Variants in RBFOX1 observed in about 807,000 individuals in gnomAD.
The protein encoded by RBFOX1 is RNA binding protein fox-1 homolog 1.
Under a neutral mutation model 57.7 loss-of-function variants are expected in RBFOX1, and 8 were observed. The observed-to-expected ratio is 0.14, with a 90% CI of 0.08 to 0.25. RBFOX1 has a LOEUF of 0.25. Among genes scored for constraint, RBFOX1 ranks in the 10% least tolerant of loss-of-function variants. The probability of loss-of-function intolerance (pLI) is 1.00; values close to 1 mark genes in which losing one functional copy is unlikely to be tolerated. For synonymous variants in RBFOX1, 326 were observed against 222.4 expected (o/e 1.47, Z -4.15); for missense variants, 611 against 548.5 (o/e 1.11, Z -1.14).
chr16:6,095,182 T>C (rs746779974), intron 1 of RBFOX1, among the ~76,000 whole-genome samples: 23 of 152,134 alleles, frequency 1.5e-4, no homozygotes, highest in Non-Finnish European at 2.6e-4. Flanking sequence ...TTAACAGAAA[T>C]TGGTGTTAAT....
chr16:6,871,502 C>G (rs1285684776), intron 3 of RBFOX1, among the ~76,000 whole-genome samples: 3 of 152,102 alleles, frequency 2.0e-5, no homozygotes, highest in Non-Finnish European at 2.9e-5. Flanking sequence ...TCACTCTTGA[C>G]TCTTTCCTCT....
intron 14 of RBFOX1, among the ~76,000 whole-genome samples, chr16:7,694,606 C>T (rs1280791911): frequency 1.3e-5 from 2 of 152,214 alleles, no homozygotes; most frequent in African/African-American, 4.8e-5. Flanking sequence ...CAATTTCCCT[C>T]TTAACCCCTA....
chr16:7,134,540 A>G (rs1385138284), intron 4 of RBFOX1, among the ~76,000 whole-genome samples: 1 of 152,090 alleles, frequency 6.6e-6, no homozygotes, highest in Non-Finnish European at 1.5e-5. Flanking sequence ...TTTTAATTTC[A>G]TTCACAGTTT....
At chr16:6,056,382 T>G (rs2095614816) in intron 1 of RBFOX1, among the ~76,000 whole-genome samples, 1 of 152,216 alleles carries the variant, frequency 6.6e-6, no homozygotes, top group South Asian at 2.1e-4. Context: ...CCTGTTTTCC[T>G]TTCTCTTTTC....
intron 2 of RBFOX1, among the ~76,000 whole-genome samples, chr16:6,537,857 A>T (rs2096756838): frequency 6.6e-6 from 1 of 152,076 alleles, no homozygotes; most frequent in Non-Finnish European, 1.5e-5. Context: ...ATAGAAAAAT[A>T]TATTTAAATT....
At chr16:7,575,135 A>G (rs1231760503) in intron 5 of RBFOX1, among the ~76,000 whole-genome samples, 2 of 151,954 alleles carry the variant, frequency 1.3e-5, no homozygotes, top group African/African-American at 4.8e-5. Context: ...GGGCTCAACA[A>G]TTAATTATCC....
chr16:5,315,634 A>G (rs1267260186), intron 1 of RBFOX1, among the ~76,000 whole-genome samples: 1 of 152,204 alleles, frequency 6.6e-6, no homozygotes, highest in Non-Finnish European at 1.5e-5. Context: ...TTTGTCACGT[A>G]CAGAAAGTGC....
intron 11 of RBFOX1, among the ~76,000 whole-genome samples, chr16:7,636,439 C>A (rs938126277): frequency 1.3e-5 from 2 of 152,196 alleles, no homozygotes; most frequent in African/African-American, 4.8e-5. Flanking sequence ...TCAGTTCACA[C>A]GTGAGTGACA....
At chr16:5,571,144 G>C (rs1196533833) in intron 2 of RBFOX1, among the ~76,000 whole-genome samples, 1 of 147,618 alleles carries the variant, frequency 6.8e-6, no homozygotes, top group Non-Finnish European at 1.5e-5. Context: ...TCTACAGTCA[G>C]AGTCATGAGA....
intron 4 of RBFOX1, among the ~76,000 whole-genome samples, chr16:7,224,993 G>A: frequency 6.6e-6 from 1 of 152,192 alleles, no homozygotes; most frequent in East Asian, 1.9e-4. Context: ...TATGTGTCAA[G>A]CACTATGCTA....
At chr16:6,846,258 G>T (rs116776946) in intron 3 of RBFOX1, among the ~76,000 whole-genome samples, 2 of 152,244 alleles carry the variant, frequency 1.3e-5, no homozygotes, top group East Asian at 3.9e-4. Flanking sequence ...CTCCTATTAC[G>T]TGAATTGGCC....
chr16:6,512,934 C>T (rs906128940), intron 2 of RBFOX1, among the ~76,000 whole-genome samples: 2 of 152,150 alleles, frequency 1.3e-5, no homozygotes, highest in East Asian at 3.9e-4. Context: ...CTATCTTTTG[C>T]TGTTACACAT....
intron 1 of RBFOX1, among the ~76,000 whole-genome samples, chr16:6,172,871 A>G (rs1009629489): frequency 1.3e-5 from 2 of 152,196 alleles, no homozygotes; most frequent in African/African-American, 4.8e-5. Flanking sequence ...AGAACTCGAC[A>G]CTAGTCTCAC....
chr16:6,874,934 G>A lies in RBFOX1; in HGVS notation c.-15-177123G>A, dbSNP rs556872061. Among the ~76,000 whole-genome samples, 21 of 152,274 alleles carry A rather than the reference G, an allele frequency of 1.4e-4. No homozygotes were observed. The East Asian group carries it at 4.1e-3, about 29-fold the overall frequency. On this transcript the variant is annotated intron_variant, in intron 3 of 15. Coordinates refer to ENST00000550418, the MANE Select transcript of RBFOX1 (RefSeq NM_018723.4). ...ATAATAATAAAAGAAAAACATTGTTGAAAAGATAAAATTAGAAACCAAGAA... is the reference window on the plus strand; with the variant it reads ...ATAATAATAAAAGAAAAACATTGTTAAAAAGATAAAATTAGAAACCAAGAA...
intron 3 of RBFOX1, among the ~76,000 whole-genome samples, chr16:6,995,546 C>T (rs1195996525): frequency 6.6e-6 from 1 of 151,974 alleles, no homozygotes; most frequent in South Asian, 2.1e-4. Flanking sequence ...GGGTGGATCA[C>T]CTTAGGTCAG....
At chr16:5,591,818 G>C (rs1475554673) in intron 2 of RBFOX1, among the ~76,000 whole-genome samples, 1 of 152,116 alleles carries the variant, frequency 6.6e-6, no homozygotes, top group Non-Finnish European at 1.5e-5. Flanking sequence ...TTACAAAAAG[G>C]CTTCCATGAA....
At chr16:6,050,965 C>G (rs980236643) in intron 1 of RBFOX1, among the ~76,000 whole-genome samples, 2 of 148,582 alleles carry the variant, frequency 1.3e-5, no homozygotes, top group African/African-American at 2.5e-5. Flanking sequence ...TTTGACATGA[C>G]TCTGCTTGTC....
At chr16:5,711,588 T>C (rs991162546) in intron 3 of RBFOX1, among the ~76,000 whole-genome samples, 2 of 152,096 alleles carry the variant, frequency 1.3e-5, no homozygotes, top group South Asian at 2.1e-4. Flanking sequence ...GCCGTGGTCA[T>C]AGGGAGCCTG....
At chr16:7,295,927 G>A (rs2095878830) in intron 4 of RBFOX1, among the ~76,000 whole-genome samples, 1 of 152,194 alleles carries the variant, frequency 6.6e-6, no homozygotes, top group Non-Finnish European at 1.5e-5. Flanking sequence ...TGAGAAGGGT[G>A]TTTGGTTTGG....
Sources: allele counts gnomAD v4.1 joint callset (sites outside exome capture counted in the v4.1 genomes callset), GRCh38; gene constraint gnomAD v4.1.1; transcripts MANE v1.5; gene names NCBI Gene and HGNC (gene_info 2026-07-23, HGNC 2026-07-21).